MIR2052HG: variants seen among roughly 807,000 people sequenced by gnomAD.
The protein encoded by MIR2052HG is MIR2052 host gene.
exon 2 of MIR2052HG, chr8:74,612,880 C>CA (rs1373262794): frequency 4.4e-6 from 2 of 456,118 alleles, no homozygotes; most frequent in Admixed American, 2.3e-5. Flanking sequence ...GATCCAGAGA[C>CA]AAAGGTGGCA....
intron 2 of MIR2052HG, among the ~76,000 whole-genome samples, chr8:74,616,447 A>G (rs889300930): frequency 7.3e-5 from 11 of 149,798 alleles, no homozygotes; most frequent in Middle Eastern, 3.5e-3. Context: ...TCTATATTTT[A>G]TATATATAAT....
chr8:74,603,177 A>G (rs1248231167), intron 1 of MIR2052HG: 2 of 841,838 alleles, frequency 2.4e-6, no homozygotes, highest in Admixed American at 2.0e-5. Flanking sequence ...TAGAAACTGA[A>G]AATTTACAAA....
intron 2 of MIR2052HG, chr8:74,633,366 C>T (rs563312279): frequency 2.6e-5 from 4 of 152,070 alleles, no homozygotes; most frequent in East Asian, 1.9e-4. Flanking sequence ...TTCTAGTGTA[C>T]GTTACTCTCC....
At chr8:74,633,614 G>A (rs1479968326) in intron 2 of MIR2052HG, among the ~76,000 whole-genome samples, 1 of 152,138 alleles carries the variant, frequency 6.6e-6, no homozygotes, top group African/African-American at 2.4e-5. Context: ...TACTTGTTAT[G>A]CGTTTCCTAG....
chr8:74,703,671 T>TTTTCA (rs2128741062), exon 4 of MIR2052HG: 1 of 452,278 alleles, frequency 2.2e-6, no homozygotes, highest in South Asian at 1.6e-5. Flanking sequence ...TGATTTATCT[T>TTTTCA]TTTCATCAGG....
At chr8:74,736,769 A>G (rs1809748206) in intron 4 of MIR2052HG, among the ~76,000 whole-genome samples, 2 of 152,188 alleles carry the variant, frequency 1.3e-5, no homozygotes, top group South Asian at 4.1e-4. Flanking sequence ...TCTGTTTGCT[A>G]AATCTGTTCT....
At chr8:74,687,958 A>G (rs1227568952) in intron 2 of MIR2052HG, among the ~76,000 whole-genome samples, 1 of 152,110 alleles carries the variant, frequency 6.6e-6, no homozygotes, top group South Asian at 2.1e-4. Flanking sequence ...ATACACATCA[A>G]ATGTGTGCAG....
chr8:74,751,321 G>A (rs1422401817), intron 4 of MIR2052HG, among the ~76,000 whole-genome samples: 2 of 152,112 alleles, frequency 1.3e-5, no homozygotes, highest in South Asian at 2.1e-4. Context: ...CAAGTATAGC[G>A]TTGCTATGCT....
chr8:74,608,443 T>TG (rs1424720632), intron 1 of MIR2052HG, among the ~76,000 whole-genome samples: 6 of 152,190 alleles, frequency 3.9e-5, no homozygotes, highest in Non-Finnish European at 7.4e-5. Context: ...ATTGAAGTCT[T>TG]AACACTATCA....
chr8:74,702,327 CA>C, intron 2 of MIR2052HG: 1 of 388,524 alleles, frequency 2.6e-6, no homozygotes, highest in Non-Finnish European at 5.3e-6. Flanking sequence ...TCAAAAGATA[CA>C]ATGACCTTGA....
chr8:74,620,825 C>G (rs933507331), intron 2 of MIR2052HG, among the ~76,000 whole-genome samples: 1 of 152,232 alleles, frequency 6.6e-6, no homozygotes, highest in Non-Finnish European at 1.5e-5. Context: ...TTCCTCATTA[C>G]TTATGCAAAT....
chr8:74,729,444 G>C (rs1159078118), intron 4 of MIR2052HG, among the ~76,000 whole-genome samples: 1 of 152,168 alleles, frequency 6.6e-6, no homozygotes, highest in African/African-American at 2.4e-5. Context: ...GCTATCAGCT[G>C]TAAGACCTTC....
chr8:74,662,549 A>T (rs1033526625), intron 2 of MIR2052HG, among the ~76,000 whole-genome samples: 4 of 152,170 alleles, frequency 2.6e-5, no homozygotes, highest in African/African-American at 9.7e-5. Context: ...ACAAACCTGC[A>T]CATTCTGCAT....
chr8:74,648,718 G>A (rs1435452317), intron 2 of MIR2052HG, among the ~76,000 whole-genome samples: 1 of 152,106 alleles, frequency 6.6e-6, no homozygotes, highest in Non-Finnish European at 1.5e-5. Flanking sequence ...ATTGGGGGCT[G>A]GTTCCCCCGA....
intron 4 of MIR2052HG, among the ~76,000 whole-genome samples, chr8:74,727,370 T>C (rs938430136): frequency 6.6e-6 from 1 of 152,182 alleles, no homozygotes. Context: ...CCTATTCCCA[T>C]GATTGCACAT....
At chr8:74,722,099 C>G (rs911544993) in intron 4 of MIR2052HG, among the ~76,000 whole-genome samples, 1 of 152,098 alleles carries the variant, frequency 6.6e-6, no homozygotes, top group Non-Finnish European at 1.5e-5. Context: ...ATCGCTTGAT[C>G]CTGGGAGGTT....
intron 2 of MIR2052HG, among the ~76,000 whole-genome samples, chr8:74,684,287 A>T (rs1220110714): frequency 2.6e-5 from 4 of 151,998 alleles, no homozygotes; most frequent in Admixed American, 2.6e-4. Context: ...TTCTGGGATC[A>T]GAGGCTACCT....
chr8:74,621,397 C>T (rs148887444), intron 2 of MIR2052HG, among the ~76,000 whole-genome samples: 1 of 152,288 alleles, frequency 6.6e-6, no homozygotes, highest in East Asian at 1.9e-4. Flanking sequence ...TGTTCTCACA[C>T]TGCTATGAAA....
intron 2 of MIR2052HG, among the ~76,000 whole-genome samples, chr8:74,647,899 T>A (rs1808706346): frequency 6.6e-6 from 1 of 152,234 alleles, no homozygotes; most frequent in Non-Finnish European, 1.5e-5. Context: ...TGCTTGTCTT[T>A]ACTTTAATCT....
Sources: allele counts gnomAD v4.1 joint callset (sites outside exome capture counted in the v4.1 genomes callset), GRCh38; gene constraint gnomAD v4.1.1; transcripts MANE v1.5; gene names NCBI Gene and HGNC (gene_info 2026-07-23, HGNC 2026-07-21).